Variants in ARHGAP12 observed in about 807,000 individuals in gnomAD.
The protein encoded by ARHGAP12 is Rho GTPase activating protein 12.
Under a neutral mutation model 108.6 loss-of-function variants are expected in ARHGAP12, and 64 were observed. The ratio of observed to expected loss-of-function variants is 0.59; its 90% CI spans 0.48 to 0.73. ARHGAP12 has a LOEUF of 0.73. Among genes scored for constraint, ARHGAP12 ranks in the 30% least tolerant of loss-of-function variants. The pLI is 0.00. For synonymous variants in ARHGAP12, 312 were observed against 337.2 expected (o/e 0.93, Z 0.82); for missense variants, 940 against 1,005.9 (o/e 0.93, Z 0.89).
intron 6 of ARHGAP12, among the ~76,000 whole-genome samples, chr10:31,844,228 AT>A (rs1418516163): frequency 1.3e-5 from 2 of 152,140 alleles, no homozygotes; most frequent in African/African-American, 4.8e-5. Flanking sequence ...ATTCAGTCAT[AT>A]CTGTCAATCT....
Position 31,854,053 on chromosome 10 carries a change from A to G in ARHGAP12, c.1089+13T>C, listed in dbSNP as rs1367022694. Reference sequence around the variant, plus strand: ...TCTGCCAAAAAACACTAGATGAGAAAAAAAGAATGTACCTTTTCATTAGTA... The same window carrying G: ...TCTGCCAAAAAACACTAGATGAGAAGAAAAGAATGTACCTTTTCATTAGTA... On this transcript the variant is annotated intron_variant, in intron 5 of 19. Coordinates refer to ENST00000344936, the MANE Select transcript of ARHGAP12 (RefSeq NM_018287.7). 1 of 1,595,986 alleles carries G rather than the reference A, an allele frequency of 6.3e-7. No individual in the cohort carries two copies. Among genetic ancestry groups the G allele is most frequent in the African/African-American group, 1.4e-5 (1 of 73,978 alleles).
chr10:31,906,036 G>A (rs984940101), intron 3 of ARHGAP12, among the ~76,000 whole-genome samples: 2 of 152,080 alleles, frequency 1.3e-5, no homozygotes, highest in African/African-American at 4.8e-5. Context: ...CAATTTCAAA[G>A]ATGAGGACTA....
At chr10:31,889,066 T>C (rs1460416934) in intron 3 of ARHGAP12, among the ~76,000 whole-genome samples, 1 of 152,172 alleles carries the variant, frequency 6.6e-6, no homozygotes, top group African/African-American at 2.4e-5. Context: ...CCCACCACCA[T>C]GCCTGGCTAA....
chr10:31,891,031 A>C (rs1838406560), intron 3 of ARHGAP12, among the ~76,000 whole-genome samples: 2 of 152,182 alleles, frequency 1.3e-5, no homozygotes, highest in Non-Finnish European at 2.9e-5. Flanking sequence ...ACAATTTAGA[A>C]AAAAAGACTA....
At chr10:31,892,234 T>C (rs1838474186) in intron 3 of ARHGAP12, among the ~76,000 whole-genome samples, 1 of 152,124 alleles carries the variant, frequency 6.6e-6, no homozygotes, top group Non-Finnish European at 1.5e-5. Context: ...AACATCATAA[T>C]GACAGGATCA....
chr10:31,822,162 G>A (rs1835440249), intron 11 of ARHGAP12, among the ~76,000 whole-genome samples: 1 of 151,898 alleles, frequency 6.6e-6, no homozygotes, highest in African/African-American at 2.4e-5. Context: ...TTTCTCTACT[G>A]TAATCAACCT....
At position 31,817,780 on chromosome 10, in the gene ARHGAP12, C is replaced by T. The variant is rs12249195; in HGVS notation, c.1731+8G>A. ...GAAGTAAAAATTTTACCTAAGTCAACGACATACCTGATTATTGATTGTACT... is the reference window on the plus strand; with the variant it reads ...GAAGTAAAAATTTTACCTAAGTCAATGACATACCTGATTATTGATTGTACT... On this transcript the variant is annotated splice_region_variant and intron_variant, in intron 13 of 19. Transcript: ENST00000344936. 15 of 1,555,716 alleles carry T rather than the reference C, an allele frequency of 9.6e-6. No homozygotes were observed. Among genetic ancestry groups the T allele is most frequent in the East Asian group, 4.7e-5 (2 of 42,178 alleles).
In ARHGAP12 at chr10:31,839,315, C is replaced by A; in HGVS notation, c.1376G>T (p.Ser459Ile). 1 of 1,610,458 alleles carries A rather than the reference C, an allele frequency of 6.2e-7. No homozygotes were observed. Among genetic ancestry groups the A allele is most frequent in the Non-Finnish European group, 8.5e-7 (1 of 1,177,750 alleles). ...AGGATTGCTTCTTACCTTTGGACTG[C>A]TGGCCTGAGGAAAAAAAGAGTAAAG... ...PSSPKHQDTA[S>I]SPKDQEKYGL... The change falls in exon 9 of 20, where the codon AGC (serine) becomes ATC (isoleucine). Residue 459 changes from serine (S) to isoleucine (I), a missense_variant. Ser to Ile is a moderately radical substitution (Grantham distance 142). Transcript: ENST00000344936.
chr10:31,897,373 G>T (rs1838742984), intron 3 of ARHGAP12, among the ~76,000 whole-genome samples: 1 of 151,990 alleles, frequency 6.6e-6, no homozygotes, highest in South Asian at 2.1e-4. Flanking sequence ...CACACTAAAA[G>T]GCTAAGATTT....
At chr10:31,860,513 G>A (rs761735350) in intron 4 of ARHGAP12, among the ~76,000 whole-genome samples, 8 of 152,184 alleles carry the variant, frequency 5.3e-5, no homozygotes, top group Admixed American at 1.3e-4. Flanking sequence ...GAGGTATGGA[G>A]GAAGGTGAAA....
intron 15 of ARHGAP12, 188 bp downstream of exon 15, chr10:31,812,519 C>A (rs1835058385): frequency 2.5e-6 from 1 of 406,890 alleles, no homozygotes; most frequent in East Asian, 4.2e-5. Flanking sequence ...TGTCTGTCCA[C>A]TACTTTAGTT....
chr10:31,807,889 C>A, intron 19 of ARHGAP12, 57 bp from the exon 20 acceptor site: 1 of 1,301,986 alleles, frequency 7.7e-7, no homozygotes, highest in Non-Finnish European at 1.0e-6. Flanking sequence ...GAAAATTCTT[C>A]AAATGGTATT....
chr10:31,864,845 CG>C (rs1156714943), intron 3 of ARHGAP12, among the ~76,000 whole-genome samples: 1 of 151,570 alleles, frequency 6.6e-6, no homozygotes, highest in Non-Finnish European at 1.5e-5. Context: ...TCCAGAACCT[CG>C]TAACATGGTA....
At chr10:31,860,199 AG>A (rs1339438504) in intron 4 of ARHGAP12, among the ~76,000 whole-genome samples, 1 of 152,254 alleles carries the variant, frequency 6.6e-6, no homozygotes, top group Non-Finnish European at 1.5e-5. Context: ...TGGGACAAGA[AG>A]GGAGTTATTA....
intron 3 of ARHGAP12, among the ~76,000 whole-genome samples, chr10:31,882,100 G>C (rs987318316): frequency 4.6e-5 from 7 of 151,892 alleles, no homozygotes. Context: ...ATTTTTAGTA[G>C]AGACGGGGTT....
At chr10:31,892,136 G>T (rs942526051) in intron 3 of ARHGAP12, among the ~76,000 whole-genome samples, 1 of 152,166 alleles carries the variant, frequency 6.6e-6, no homozygotes, top group East Asian at 1.9e-4. Context: ...GGAACAACTG[G>T]TACCAGACAC....
chr10:31,832,964 C>T (rs1273145776), intron 9 of ARHGAP12, among the ~76,000 whole-genome samples: 2 of 152,058 alleles, frequency 1.3e-5, no homozygotes, highest in Admixed American at 1.3e-4. Context: ...CTTAAATCTC[C>T]TTAGATACGC....
intron 3 of ARHGAP12, among the ~76,000 whole-genome samples, chr10:31,896,420 A>G (rs1158530529): frequency 6.6e-6 from 1 of 151,584 alleles, no homozygotes; most frequent in East Asian, 1.9e-4. Flanking sequence ...TAAGCTTTAT[A>G]GATTTCTGGC....
chr10:31,828,124 C>T (rs1835687970), intron 10 of ARHGAP12, among the ~76,000 whole-genome samples: 1 of 151,992 alleles, frequency 6.6e-6, no homozygotes, highest in African/African-American at 2.4e-5. Context: ...TTAAATACTA[C>T]TTTCATAATG....
Sources: allele counts gnomAD v4.1 joint callset (sites outside exome capture counted in the v4.1 genomes callset), GRCh38; gene constraint gnomAD v4.1.1; transcripts MANE v1.5; gene names NCBI Gene and HGNC (gene_info 2026-07-23, HGNC 2026-07-21).